The following C12orf42 variants were observed in gnomAD, a reference collection of about 807,000 sequenced individuals.
C12orf42 encodes uncharacterized protein C12orf42.
In C12orf42, 25 loss-of-function variants were observed where a neutral mutation model predicts 21.6. The observed-to-expected ratio is 1.16, with a 90% CI of 0.84 to 1.62. The LOEUF (loss-of-function observed/expected upper bound fraction) is 1.62, where lower values mean the gene tolerates loss of function less well. Ranked by LOEUF, C12orf42 falls within the 40% of genes most tolerant of loss-of-function variation. The pLI, the probability that C12orf42 is intolerant of heterozygous loss-of-function variation, is 0.00. For missense variants in C12orf42, 483 were observed against 459.3 expected (o/e 1.05, Z -0.47); for synonymous variants, 174 against 175.0 (o/e 0.99, Z 0.05).
chr12:103,100,611 C>T, the C12orf42 span, among the ~76,000 whole-genome samples: 55 of 152,160 alleles, frequency 3.6e-4, no homozygotes, highest in Middle Eastern at 3.4e-3. Flanking sequence ...TTGGTTGGCC[C>T]AAGGAAGAAA....
intron 2 of C12orf42, among the ~76,000 whole-genome samples, chr12:103,462,484 A>G (rs1021188608): frequency 6.6e-6 from 1 of 152,100 alleles, no homozygotes; most frequent in African/African-American, 2.4e-5. Context: ...GTTTGTTATG[A>G]TATCTCAGTA....
At chr12:103,290,918 T>C (rs1044017211) in intron 4 of C12orf42, among the ~76,000 whole-genome samples, 1 of 152,108 alleles carries the variant, frequency 6.6e-6, no homozygotes, top group Non-Finnish European at 1.5e-5. Flanking sequence ...ATACTATCTA[T>C]TGAGTTCAAT....
the C12orf42 span, among the ~76,000 whole-genome samples, chr12:103,185,553 TCA>T: frequency 6.6e-6 from 1 of 152,158 alleles, no homozygotes; most frequent in East Asian, 1.9e-4. Context: ...CTTGGAAATC[TCA>T]GTCTCTTTGA....
At chr12:103,412,123 AT>A (rs758073470) in intron 2 of C12orf42, among the ~76,000 whole-genome samples, 2 of 152,140 alleles carry the variant, frequency 1.3e-5, no homozygotes, top group Non-Finnish European at 2.9e-5. Context: ...GATAAAGCAC[AT>A]TTTCTGAAAC....
At chr12:103,074,593 C>A in the C12orf42 span, among the ~76,000 whole-genome samples, 1 of 152,092 alleles carries the variant, frequency 6.6e-6, no homozygotes, top group African/African-American at 2.4e-5. Flanking sequence ...TTAAGGGAAA[C>A]CAAAATGCCT....
chr12:103,195,851 A>G, the C12orf42 span, among the ~76,000 whole-genome samples: 2 of 151,988 alleles, frequency 1.3e-5, no homozygotes, highest in African/African-American at 2.4e-5. Flanking sequence ...TTATCATGAA[A>G]TCTTTGCCAG....
At chr12:103,532,288 AAT>A in the C12orf42 span, among the ~76,000 whole-genome samples, 1 of 152,248 alleles carries the variant, frequency 6.6e-6, no homozygotes, top group African/African-American at 2.4e-5. Context: ...GTGAGAAAAT[AAT>A]ATGTATTAAA....
the C12orf42 span, chr12:103,080,955 A>G: frequency 6.6e-6 from 1 of 152,146 alleles, no homozygotes; most frequent in Non-Finnish European, 1.5e-5. Context: ...TTGAACCCAG[A>G]GAGTCTCACT....
chr12:103,435,935 A>G (rs1198058969), intron 2 of C12orf42, among the ~76,000 whole-genome samples: 12 of 149,072 alleles, frequency 8.0e-5, no homozygotes, highest in Non-Finnish European at 3.0e-5. Flanking sequence ...GAGCAACTCC[A>G]AGACACATAA....
chr12:103,242,186 T>C (rs181188809), intron 10 of C12orf42, among the ~76,000 whole-genome samples: 2 of 152,308 alleles, frequency 1.3e-5, no homozygotes, highest in Admixed American at 6.5e-5. Context: ...AATTGTTAAC[T>C]TTCTTCTTAA....
At chr12:103,056,030 C>G in the C12orf42 span, among the ~76,000 whole-genome samples, 1 of 152,154 alleles carries the variant, frequency 6.6e-6, no homozygotes, top group East Asian at 1.9e-4. Context: ...GTGGAGTGTT[C>G]TATACATAGC....
At chr12:103,379,242 T>C (rs927997554) in intron 3 of C12orf42, among the ~76,000 whole-genome samples, 1 of 152,226 alleles carries the variant, frequency 6.6e-6, no homozygotes, top group African/African-American at 2.4e-5. Context: ...TCCTCACCTA[T>C]TGTTAGCTTT....
the C12orf42 span, among the ~76,000 whole-genome samples, chr12:103,514,443 A>G: frequency 6.6e-6 from 1 of 152,164 alleles, no homozygotes; most frequent in Admixed American, 6.5e-5. Context: ...GAGCTAATGC[A>G]AAAGCTCCAG....
intron 2 of C12orf42, among the ~76,000 whole-genome samples, chr12:103,424,275 T>C (rs570041803): frequency 6.6e-6 from 1 of 152,358 alleles, no homozygotes; most frequent in South Asian, 2.1e-4. Flanking sequence ...GGGTCAACTA[T>C]AATAAGGAAA....
At chr12:103,333,027 T>G (rs925020482) in intron 4 of C12orf42, among the ~76,000 whole-genome samples, 1 of 152,178 alleles carries the variant, frequency 6.6e-6, no homozygotes, top group African/African-American at 2.4e-5. Context: ...AAATGCCGAT[T>G]ATGCTTGTCC....
At chr12:103,223,529 C>T in the C12orf42 span, among the ~76,000 whole-genome samples, 218 of 152,294 alleles carry the variant, frequency 1.4e-3, 1 homozygote, top group African/African-American at 4.8e-3. Context: ...TATTTATTTA[C>T]TTCAAGAGTT....
the C12orf42 span, among the ~76,000 whole-genome samples, chr12:103,070,292 C>A: frequency 2.1e-4 from 32 of 152,160 alleles, no homozygotes; most frequent in East Asian, 6.0e-3. Context: ...GTTTGTATCC[C>A]TATGAGTTTG....
At chr12:103,491,178 G>A (rs1482926741) in intron 1 of C12orf42, among the ~76,000 whole-genome samples, 1 of 152,110 alleles carries the variant, frequency 6.6e-6, no homozygotes, top group East Asian at 1.9e-4. Context: ...ATATTTGAAA[G>A]CATTTTTCAT....
chr12:103,164,576 C>A, the C12orf42 span: 1 of 419,256 alleles, frequency 2.4e-6, no homozygotes, highest in Non-Finnish European at 4.8e-6. Context: ...GTATAAAAGA[C>A]ATTGTCCTGA....
Sources: gnomAD v4.1 joint callset for allele counts (sites outside exome capture counted in the v4.1 genomes callset) on GRCh38, gnomAD v4.1.1 for gene constraint, MANE v1.5 for transcripts, NCBI Gene and HGNC (gene_info 2026-07-23, HGNC 2026-07-21) for gene names.